The following SYCE1L variants were observed in gnomAD, a reference collection of about 807,000 sequenced individuals.
The protein encoded by SYCE1L is synaptonemal complex central element protein 1-like.
SYCE1L carries 51 observed loss-of-function variants against 39.6 expected under a neutral mutation model. The observed-to-expected ratio is 1.29, with a 90% confidence interval of 1.03 to 1.63. The LOEUF is 1.63. SYCE1L is among the 40% of genes most tolerant of loss of function. The probability of loss-of-function intolerance (pLI) is 0.00; values close to 1 mark genes in which losing one functional copy is unlikely to be tolerated. For missense variants in SYCE1L, 426 were observed against 304.9 expected (o/e 1.40, Z -2.96); for synonymous variants, 147 against 122.4 (o/e 1.20, Z -1.33).
At chr16:77,200,732 G>T (rs1452994010) in intron 1 of SYCE1L, 1 of 129,390 alleles carries the variant, frequency 7.7e-6, no homozygotes, top group East Asian at 2.3e-4. Flanking sequence ...CTCCAGCGCG[G>T]AAGACAGAGT....
rs527797758 is a variant in SYCE1L at position 77,208,482 on chromosome 16, G to C, written c.199G>C (p.Glu67Gln). 6.4e-7 allele frequency: 1 copy of C among 1,551,708 alleles called. No homozygotes were observed. Among genetic ancestry groups the C allele is most frequent in the African/African-American group, 1.4e-5 (1 of 73,162 alleles). The change falls in exon 4 of 11, where the codon GAG (glutamate) becomes CAG (glutamine). Residue 67 changes from glutamate (E) to glutamine (Q), a missense_variant. By Grantham distance (29) the Glu-to-Gln change is conservative (BLOSUM62 2). Coordinates refer to ENST00000378644, the MANE Select transcript of SYCE1L (RefSeq NM_001129979.3). Reference sequence around the variant, plus strand: ...TGGCCCAGCAAAGAAGAAATCCAGTGAGGAACTGAGAGAGACCCACAGTCT... The same window carrying C: ...TGGCCCAGCAAAGAAGAAATCCAGTCAGGAACTGAGAGAGACCCACAGTCT... Reference protein sequence around the residue: ...DLQQAKKKSSEELRETHSLWE... With the variant: ...DLQQAKKKSSQELRETHSLWE...
chr16:77,212,635 G>A lies in SYCE1L; in HGVS notation c.643G>A (p.Gly215Ser), dbSNP rs777036442. 19 of 1,534,878 alleles carry A rather than the reference G, an allele frequency of 1.2e-5. No homozygotes were observed. In the African/African-American group the frequency reaches 1.8e-4, roughly 14 times the overall value. ...QVRSAPEVGA[G>S]EGEAGPELPR... ...CCGGAGCGCCCCCGAGGTCGGGGCC[G>A]GCGAGGGAGAGGTAGGGAGCCCGAG... Residue 215 changes from glycine (G) to serine (S), a missense_variant, in exon 10 of 11, where the codon GGC becomes AGC. Gly to Ser is a moderately conservative substitution (Grantham distance 56, BLOSUM62 0). Coordinates refer to ENST00000378644, the MANE Select transcript of SYCE1L (RefSeq NM_001129979.3).
At chr16:77,208,894 A>T (rs2054804371) in intron 4 of SYCE1L, among the ~76,000 whole-genome samples, 1 of 152,140 alleles carries the variant, frequency 6.6e-6, no homozygotes, top group Non-Finnish European at 1.5e-5. Context: ...CACTCCTTCA[A>T]CATTTACAAA....
Position 77,209,468 on chromosome 16 carries a change from A to C in SYCE1L, c.356A>C (p.Gln119Pro). 6.4e-7 allele frequency: 1 copy of C among 1,551,772 alleles called. No homozygotes were observed. Among genetic ancestry groups the C allele is most frequent in the Non-Finnish European group, 8.7e-7 (1 of 1,147,018 alleles). ...TGCCAAGAGAAGGAAAGCGAGGCTC[A>C]GAGGTAAGAGGCCCTGCCTCAGCTC... ...MHCQEKESEA[Q>P]RLDVRGQLED... The change falls in exon 6 of 11, where the codon CAG becomes CCG. Residue 119 changes from glutamine (Q) to proline (P), a missense_variant. Physicochemically the swap from Gln to Pro is moderately conservative, Grantham distance 76. Coordinates refer to ENST00000378644, the MANE Select transcript of SYCE1L (RefSeq NM_001129979.3).
At position 77,200,757 on chromosome 16, in the gene SYCE1L, A is replaced by G. The variant is rs1171909880; in HGVS notation, c.61+1245A>G. ...GAAGACAGAGTGAGCAAAAAAAAAA[A>G]AAAAAAAAGAAAAAACAAAAAGAAA... On this transcript the variant is annotated intron_variant, in intron 1 of 10. Transcript: ENST00000378644. The G allele has an allele frequency of 2.9e-5, 3 of 103,678 alleles. No individual in the cohort carries two copies. In the South Asian group the frequency reaches 9.0e-4, roughly 31 times the overall value. The allele number at this position is 103,678 out of a possible 1,614,324, so 6.4% of individuals were successfully genotyped here.
intron 1 of SYCE1L, chr16:77,202,016 T>G (rs986050458): frequency 9.2e-5 from 14 of 152,092 alleles, no homozygotes; most frequent in African/African-American, 3.4e-4. Flanking sequence ...ATTTTGGGAG[T>G]AGTGCAGAGG....
At chr16:77,209,800 A>G (rs901684045) in intron 6 of SYCE1L, among the ~76,000 whole-genome samples, 2 of 152,048 alleles carry the variant, frequency 1.3e-5, no homozygotes, top group African/African-American at 4.8e-5. Flanking sequence ...CCAGTCATCC[A>G]TTTGCCCACC....
In SYCE1L at chr16:77,212,876, G is replaced by A. The variant is rs1188827278; in HGVS notation, c.674G>A (p.Arg225His). 1.3e-6 allele frequency: 2 copies of A among 1,521,148 alleles called. No homozygotes were observed. Among genetic ancestry groups the A allele is most frequent in the Non-Finnish European group, 1.8e-6 (2 of 1,136,572 alleles). 94.2% of individuals were successfully genotyped at this position (1,521,148 alleles called of 1,614,324 possible). ...GEGEAGPELP[R>H]ARDEEDPEPP... ...CGGCAGGCCGGACCTGAGCTCCCCCGCGCTCGCGACGAGGAGGATCCCGAG... is the reference window on the plus strand; with the variant it reads ...CGGCAGGCCGGACCTGAGCTCCCCCACGCTCGCGACGAGGAGGATCCCGAG... The change falls in exon 11 of 11, where the codon CGC becomes CAC. Residue 225 changes from arginine to histidine, a missense_variant. Transcript: ENST00000378644.
chr16:77,212,866 G>C lies in SYCE1L; in HGVS notation c.664G>C (p.Glu222Gln), dbSNP rs1292782974. 1.3e-6 allele frequency: 2 copies of C among 1,518,886 alleles called. No homozygotes were observed. Among genetic ancestry groups the C allele is most frequent in the Non-Finnish European group, 1.8e-6 (2 of 1,135,604 alleles). The allele number at this position is 1,518,886 out of a possible 1,614,324, so 94.1% of individuals were successfully genotyped here. A position where few individuals can be genotyped will look rare whatever the true frequency, so the allele number is the denominator to read the frequency against. The change falls in exon 11 of 11, where the codon GAG becomes CAG. Residue 222 changes from glutamate to glutamine, a missense_variant. By Grantham distance (29) the Glu-to-Gln change is conservative (BLOSUM62 2). Coordinates refer to ENST00000378644, the MANE Select transcript of SYCE1L (RefSeq NM_001129979.3). ...VGAGEGEAGPELPRARDEEDP... is the reference protein window; with the variant it reads ...VGAGEGEAGPQLPRARDEEDP... ...ACCCAGCCCCCGGCAGGCCGGACCTGAGCTCCCCCGCGCTCGCGACGAGGA... is the reference window on the plus strand; with the variant it reads ...ACCCAGCCCCCGGCAGGCCGGACCTCAGCTCCCCCGCGCTCGCGACGAGGA...
chr16:77,207,737 G>A (rs2054795224), intron 2 of SYCE1L, among the ~76,000 whole-genome samples: 1 of 152,038 alleles, frequency 6.6e-6, no homozygotes, highest in African/African-American at 2.4e-5. Flanking sequence ...CACTAGACCT[G>A]AGCCACACCA....
Position 77,209,163 on chromosome 16 carries a change from G to A in SYCE1L, c.304+19G>A. On this transcript the variant is annotated intron_variant, in intron 5 of 10. Transcript: ENST00000378644. ...AAGCAAGGTATTTACCAGTTGCTGT[G>A]TCTTCCTTATTCTACTCTTCCACCC... 3 of 1,551,462 alleles carry A rather than the reference G, an allele frequency of 1.9e-6. No homozygotes were observed. The East Asian group carries it at 7.3e-5, about 38-fold the overall frequency.
Position 77,212,601 on chromosome 16 carries a change from G to C in SYCE1L, c.609G>C (p.Gly203=). 2 of 1,536,314 alleles carry C rather than the reference G, an allele frequency of 1.3e-6. No individual in the cohort carries two copies. Among genetic ancestry groups the C allele is most frequent in the Middle Eastern group, 1.7e-4 (1 of 5,804 alleles). Residue 203 remains glycine, a synonymous_variant, in exon 10 of 11, where the codon GGG becomes GGC. Transcript: ENST00000378644. ...DGLKAELEIF[G]EQVRSAPEVG... is the part of the protein sequence containing the mutation. ...TGAAGGCGGAGCTGGAGATATTCGG[G>C]GAGCAGGTCCGGAGCGCCCCCGAGG... is the stretch of plus-strand genomic sequence containing the variant.
At chr16:77,210,859 A>C (rs1251889543) in intron 6 of SYCE1L, among the ~76,000 whole-genome samples, 1 of 152,220 alleles carries the variant, frequency 6.6e-6, no homozygotes, top group Admixed American at 6.5e-5. Flanking sequence ...TGGGTCATTC[A>C]GAGAATATGA....
intron 6 of SYCE1L, among the ~76,000 whole-genome samples, 169 bp downstream of exon 6, chr16:77,209,640 G>C (rs1228568523): frequency 1.3e-5 from 2 of 151,590 alleles, no homozygotes; most frequent in African/African-American, 4.9e-5. Flanking sequence ...AAATGGTCGT[G>C]TTAAGATTAA....
intron 6 of SYCE1L, among the ~76,000 whole-genome samples, chr16:77,210,394 G>A (rs1347473072): frequency 6.6e-6 from 1 of 152,128 alleles, no homozygotes. Context: ...TCATCCTGGT[G>A]CACCATGATT....
intron 8 of SYCE1L, 39 bp from the exon 9 acceptor site, chr16:77,212,243 C>G (rs2054828462): frequency 2.0e-6 from 3 of 1,537,160 alleles, no homozygotes; most frequent in East Asian, 2.5e-5. Flanking sequence ...GGGATGTGCC[C>G]GGGCCTCGGC....
In SYCE1L at chr16:77,209,451, G is replaced by A; in HGVS notation, c.339G>A (p.Glu113=). The change falls in exon 6 of 11, where the codon GAG becomes GAA. Residue 113 remains glutamate, a synonymous_variant. Transcript: ENST00000378644. ...GGATCCTCCAGATGCACTGCCAAGA[G>A]AAGGAAAGCGAGGCTCAGAGGTAAG... ...ALRILQMHCQ[E]KESEAQRLDV... is the part of the protein sequence containing the mutation. 6.4e-7 allele frequency: 1 copy of A among 1,551,764 alleles called. No homozygotes were observed. The highest frequency in any genetic ancestry group is 8.7e-7 in the Non-Finnish European group (1 of 1,147,022).
In SYCE1L at chr16:77,203,651, A is replaced by G. The variant is rs1346863098; in HGVS notation, c.62-2790A>G. Among the ~76,000 whole-genome samples, 9 of 140,824 alleles carry G rather than the reference A, an allele frequency of 6.4e-5. No homozygotes were observed. In the South Asian group the frequency reaches 1.6e-3, roughly 25 times the overall value. 92.4% of individuals were successfully genotyped at this position (140,824 alleles called of 152,430 possible). ...CTCTTGTTGCCCAGGCTGGAGTGCA[A>G]TGGTGCCATCTCGGCTCACCGCAAC... is the stretch of plus-strand genomic sequence containing the variant. On this transcript the variant is annotated intron_variant, in intron 1 of 10. Transcript: ENST00000378644.
At chr16:77,209,014 T>C (rs1349062081) in intron 4 of SYCE1L, 83 bp from the exon 5 acceptor site, 3 of 1,437,336 alleles carry the variant, frequency 2.1e-6, no homozygotes, top group African/African-American at 1.4e-5. Context: ...CTACACCTTC[T>C]GTGTGGCTTT....
Sources: gnomAD v4.1 joint callset for allele counts (sites outside exome capture counted in the v4.1 genomes callset) on GRCh38, gnomAD v4.1.1 for gene constraint, MANE v1.5 for transcripts, NCBI Gene and HGNC (gene_info 2026-07-23, HGNC 2026-07-21) for gene names.